RNF13: variants seen among roughly 807,000 people sequenced by gnomAD.
RNF13 encodes ring finger protein 13.
Under a neutral mutation model 37.7 loss-of-function variants are expected in RNF13, and 19 were observed. The observed-to-expected ratio is 0.50, with a 90% CI of 0.35 to 0.74. The LOEUF is 0.74. Ranked by LOEUF, RNF13 falls within the 30% of genes least tolerant of loss-of-function variation. The pLI is 0.01. For synonymous variants in RNF13, 144 were observed against 157.8 expected (o/e 0.91, Z 0.65); for missense variants, 375 against 453.0 (o/e 0.83, Z 1.56).
intron 3 of RNF13, among the ~76,000 whole-genome samples, chr3:149,864,285 A>G (rs1431197921): frequency 6.6e-6 from 1 of 151,840 alleles, no homozygotes; most frequent in African/African-American, 2.4e-5. Context: ...CTCTTTCATC[A>G]TGTGATCTCT....
At chr3:149,944,520 T>C (rs1278998815) in intron 8 of RNF13, among the ~76,000 whole-genome samples, 1 of 152,232 alleles carries the variant, frequency 6.6e-6, no homozygotes, top group Non-Finnish European at 1.5e-5. Context: ...CTAACTGGTG[T>C]GAGATGGTAT....
intron 8 of RNF13, among the ~76,000 whole-genome samples, chr3:149,926,457 A>G (rs1718666016): frequency 6.6e-6 from 1 of 151,900 alleles, no homozygotes; most frequent in Middle Eastern, 3.2e-3. Flanking sequence ...TGATCTGCCC[A>G]CCTTGGCCTC....
At chr3:149,896,571 C>T (rs573297192) in intron 5 of RNF13, among the ~76,000 whole-genome samples, 4 of 151,960 alleles carry the variant, frequency 2.6e-5, no homozygotes, top group Middle Eastern at 3.4e-3. Context: ...CCTCTGCCTC[C>T]TGGGTTCAAG....
In RNF13 at chr3:149,852,508, AT is replaced by A. The variant is rs554121701; in HGVS notation, c.115-3del. On this transcript the variant is annotated splice_region_variant and splice_polypyrimidine_tract_variant and intron_variant, in intron 2 of 9. Coordinates refer to ENST00000392894, the MANE Select transcript of RNF13 (RefSeq NM_183381.3). ...TCTTAACTTGAATATTTAAAATTTTATTTTTAGTATAACTTTGAAAATGCAT... is the reference window on the plus strand; with the variant it reads ...TCTTAACTTGAATATTTAAAATTTTATTTTAGTATAACTTTGAAAATGCAT... The A allele has an allele frequency of 1.4e-4, 205 of 1,441,060 alleles. 2 individuals carry two copies. The East Asian group carries it at 5.0e-3, about 35-fold the overall frequency. The allele number at this position is 1,441,060 out of a possible 1,614,324, so 89.3% of individuals were successfully genotyped here.
At chr3:149,824,775 C>G (rs1576715361) in intron 1 of RNF13, among the ~76,000 whole-genome samples, 1 of 149,896 alleles carries the variant, frequency 6.7e-6, no homozygotes, top group Non-Finnish European at 1.5e-5. Context: ...ATGTCTGTAT[C>G]AAAAAGCTCC....
chr3:149,891,296 T>G (rs1489763800), intron 4 of RNF13, among the ~76,000 whole-genome samples: 1 of 152,222 alleles, frequency 6.6e-6, no homozygotes, highest in Non-Finnish European at 1.5e-5. Flanking sequence ...AGAGATTTCT[T>G]TTTAAAAGGT....
intron 2 of RNF13, chr3:149,851,526 T>C (rs181569031): frequency 6.6e-6 from 1 of 152,360 alleles, no homozygotes; most frequent in Admixed American, 6.5e-5. Flanking sequence ...AAGGTTTACT[T>C]GATCCTTCCA....
chr3:149,959,996 G>A lies in RNF13; in HGVS notation c.701-60G>A, dbSNP rs1722221860. 4 of 1,091,218 alleles carry A rather than the reference G, an allele frequency of 3.7e-6. No homozygotes were observed. The Admixed American group carries it at 7.0e-5, about 19-fold the overall frequency. 67.6% of individuals were successfully genotyped at this position (1,091,218 alleles called of 1,614,324 possible). On this transcript the variant is annotated intron_variant, in intron 8 of 9. Transcript: ENST00000392894. ...AATACATCAAAAGGCAGTAACTGAG[G>A]ACTAACTTGAAAAGTTTGAAAGGTG...
At chr3:149,907,624 T>G (rs1716558956) in intron 6 of RNF13, among the ~76,000 whole-genome samples, 1 of 152,152 alleles carries the variant, frequency 6.6e-6, no homozygotes, top group Non-Finnish European at 1.5e-5. Context: ...AACAAAAAAT[T>G]TATTATCTCT....
chr3:149,923,557 G>A (rs1446656227), intron 8 of RNF13, among the ~76,000 whole-genome samples: 2 of 152,032 alleles, frequency 1.3e-5, no homozygotes, highest in East Asian at 3.9e-4. Flanking sequence ...ACTAGGTCAG[G>A]AGATCGAGAC....
intron 3 of RNF13, among the ~76,000 whole-genome samples, chr3:149,853,484 GA>G (rs1723336903): frequency 6.6e-6 from 1 of 151,422 alleles, no homozygotes; most frequent in Non-Finnish European, 1.5e-5. Flanking sequence ...GAGAGAGAGA[GA>G]GAGAGAGAGA....
chr3:149,854,161 A>C (rs1431802998), intron 3 of RNF13, among the ~76,000 whole-genome samples: 1 of 151,878 alleles, frequency 6.6e-6, no homozygotes, highest in Non-Finnish European at 1.5e-5. Context: ...GATACCACAA[A>C]CCTATTATTC....
intron 1 of RNF13, among the ~76,000 whole-genome samples, chr3:149,816,224 T>C (rs1274813927): frequency 6.6e-6 from 1 of 152,012 alleles, no homozygotes; most frequent in Non-Finnish European, 1.5e-5. Flanking sequence ...AAGTGGGAAG[T>C]GGGGGAATTA....
chr3:149,915,937 T>C (rs542069035), intron 7 of RNF13, among the ~76,000 whole-genome samples: 1 of 152,318 alleles, frequency 6.6e-6, no homozygotes, highest in East Asian at 1.9e-4. Context: ...CACAACAGTA[T>C]GAATGTACTT....
intron 6 of RNF13, among the ~76,000 whole-genome samples, chr3:149,903,927 A>C (rs62268822): frequency 6.0e-5 from 9 of 149,916 alleles, no homozygotes; most frequent in African/African-American, 1.7e-4. Flanking sequence ...ATCTATCTAT[A>C]TATCTGTCTA....
chr3:149,887,143 G>A (rs765814207), intron 4 of RNF13, among the ~76,000 whole-genome samples: 5 of 152,116 alleles, frequency 3.3e-5, no homozygotes, highest in South Asian at 4.1e-4. Flanking sequence ...CAGCAACCAC[G>A]CAATGCAGAG....
intron 8 of RNF13, among the ~76,000 whole-genome samples, chr3:149,948,928 T>G (rs1721038388): frequency 6.6e-6 from 1 of 151,962 alleles, no homozygotes; most frequent in African/African-American, 2.4e-5. Context: ...CTTGGGGGAC[T>G]GAGGCAAGAG....
intron 7 of RNF13, among the ~76,000 whole-genome samples, chr3:149,913,312 A>G (rs559150203): frequency 7.2e-5 from 11 of 152,276 alleles, no homozygotes; most frequent in African/African-American, 2.6e-4. Context: ...GGCTATTCTT[A>G]TAATTGAGTA....
At chr3:149,821,737 C>T (rs1290685544) in intron 1 of RNF13, among the ~76,000 whole-genome samples, 1 of 152,050 alleles carries the variant, frequency 6.6e-6, no homozygotes, top group Non-Finnish European at 1.5e-5. Context: ...TTCCAAATCC[C>T]AGGCCATGAA....
Sources: gnomAD v4.1 joint callset for allele counts (sites outside exome capture counted in the v4.1 genomes callset) on GRCh38, gnomAD v4.1.1 for gene constraint, MANE v1.5 for transcripts, NCBI Gene and HGNC (gene_info 2026-07-23, HGNC 2026-07-21) for gene names.